The following ENOX1 variants were observed in gnomAD, a reference collection of about 807,000 sequenced individuals.
ENOX1 encodes ecto-NOX disulfide-thiol exchanger 1, also known as candidate growth-related and time keeping constitutive hydroquinone (NADH) oxidase.
ENOX1 carries 42 observed loss-of-function variants against 82.5 expected under a neutral mutation model. The observed-to-expected ratio is 0.51, with a 90% confidence interval of 0.40 to 0.66. The LOEUF is 0.66. ENOX1 is among the 30% of genes least tolerant of loss of function. The probability of loss-of-function intolerance (pLI) is 0.00; values close to 1 mark genes in which losing one functional copy is unlikely to be tolerated. For synonymous variants in ENOX1, 271 were observed against 282.2 expected (o/e 0.96, Z 0.40); for missense variants, 608 against 811.6 (o/e 0.75, Z 3.05).
chr13:43,361,504 T>A (rs2050504387), intron 5 of ENOX1, 52 bp from the exon 6 acceptor site: 2 of 1,541,530 alleles, frequency 1.3e-6, no homozygotes, highest in East Asian at 2.3e-5. Context: ...CCATTTTTGT[T>A]GTTGTTTTTG....
chr13:43,621,524 T>G (rs1188861684), intron 2 of ENOX1, among the ~76,000 whole-genome samples: 1 of 152,216 alleles, frequency 6.6e-6, no homozygotes, highest in Non-Finnish European at 1.5e-5. Flanking sequence ...TTAGTTTCAC[T>G]GGATATAAAA....
chr13:43,423,286 TA>T (rs1021594609), intron 3 of ENOX1, among the ~76,000 whole-genome samples: 17 of 146,068 alleles, frequency 1.2e-4, no homozygotes, highest in South Asian at 4.3e-4. Flanking sequence ...ACACAGACCA[TA>T]AAAAAAAAAG....
intron 1 of ENOX1, among the ~76,000 whole-genome samples, chr13:43,745,167 A>T (rs965612116): frequency 2.0e-5 from 3 of 152,178 alleles, no homozygotes; most frequent in Non-Finnish European, 4.4e-5. Flanking sequence ...AGGAAAAGTA[A>T]CTGCAATAGA....
chr13:43,321,399 G>A lies in ENOX1; in HGVS notation c.1261+985C>T, dbSNP rs189929791. 8.5e-5 allele frequency among the ~76,000 whole-genome samples: 13 copies of A among 152,306 alleles called. No homozygotes were observed. The East Asian group carries it at 1.2e-3, about 14-fold the overall frequency. ...CCCTTTCTCTATATGCCTGTAGGCA[G>A]GAGCTTTTTCTTATGACCATCACTC... On this transcript the variant is annotated intron_variant, in intron 11 of 16. Transcript: ENST00000690772.
intron 5 of ENOX1, among the ~76,000 whole-genome samples, chr13:43,362,628 G>A (rs958511466): frequency 4.0e-5 from 6 of 151,664 alleles, no homozygotes; most frequent in Non-Finnish European, 5.9e-5. Flanking sequence ...CTCACTCTTC[G>A]CTTACCTGTG....
At chr13:43,722,014 A>T (rs962023145) in intron 1 of ENOX1, among the ~76,000 whole-genome samples, 4 of 152,164 alleles carry the variant, frequency 2.6e-5, no homozygotes, top group Admixed American at 2.6e-4. Context: ...TCTCAGGGCC[A>T]CCTTTGAACA....
At chr13:43,344,016 T>C (rs1050033140) in intron 9 of ENOX1, among the ~76,000 whole-genome samples, 2 of 152,124 alleles carry the variant, frequency 1.3e-5, no homozygotes, top group Non-Finnish European at 2.9e-5. Context: ...GCTTTCCAAA[T>C]GAAGAAAGGA....
intron 12 of ENOX1, among the ~76,000 whole-genome samples, chr13:43,297,979 A>C (rs983054826): frequency 6.6e-6 from 1 of 152,262 alleles, no homozygotes; most frequent in African/African-American, 2.4e-5. Context: ...TGCTTTTGTA[A>C]AATCAGTTGT....
rs560419403 is a variant in ENOX1 at position 43,346,546 on chromosome 13, G to A, written c.824-1796C>T. Reference sequence around the variant, plus strand: ...GCACAGAACACACTTACTGAGTATCGTAGCCACTTATACCATTTTGTTAAC... The same window carrying A: ...GCACAGAACACACTTACTGAGTATCATAGCCACTTATACCATTTTGTTAAC... On this transcript the variant is annotated intron_variant, in intron 8 of 16. Coordinates refer to ENST00000690772, the MANE Select transcript of ENOX1 (RefSeq NM_001347969.2). 6.6e-5 allele frequency among the ~76,000 whole-genome samples: 10 copies of A among 152,264 alleles called. 1 individual carries two copies. The highest frequency in any genetic ancestry group is 2.2e-4 in the African/African-American group (9 of 41,534).
chr13:43,464,086 G>A (rs1323478088), intron 3 of ENOX1, among the ~76,000 whole-genome samples: 1 of 152,128 alleles, frequency 6.6e-6, no homozygotes, highest in Non-Finnish European at 1.5e-5. Context: ...CTTTCCCTTA[G>A]AGTCTTTCAA....
At chr13:43,754,684 A>T (rs552943821) in intron 1 of ENOX1, among the ~76,000 whole-genome samples, 1 of 151,990 alleles carries the variant, frequency 6.6e-6, no homozygotes, top group Admixed American at 6.6e-5. Flanking sequence ...TCCTGGGCTC[A>T]ATAGATCTTC....
rs543189037 is a variant in ENOX1, at chr13:43,339,640, C to T, written c.1036+4898G>A. On this transcript the variant is annotated intron_variant, in intron 9 of 16. Transcript: ENST00000690772. ...CTTGGCTGTTTAGTGGACAGGCTAC[C>T]ATGGAATGCCATGAAGGACGGCATT... 5.3e-5 allele frequency among the ~76,000 whole-genome samples: 8 copies of T among 152,280 alleles called. No homozygotes were observed. The South Asian group carries it at 1.5e-3, about 28-fold the overall frequency.
chr13:43,784,260 C>T lies in ENOX1; in HGVS notation c.-285+2392G>A, dbSNP rs1028418868. On this transcript the variant is annotated intron_variant, in intron 1 of 16. Coordinates refer to ENST00000690772, the MANE Select transcript of ENOX1 (RefSeq NM_001347969.2). ...GTGATTATATACATTCTCCTACATA[C>T]AAACCCATCTAAATTTAATAGGCCC... Among the ~76,000 whole-genome samples the T allele has an allele frequency of 2.0e-5, 3 of 152,294 alleles. No homozygotes were observed. The East Asian group carries it at 5.8e-4, about 29-fold the overall frequency.
chr13:43,523,493 A>T (rs1566445959), intron 2 of ENOX1, among the ~76,000 whole-genome samples: 1 of 152,156 alleles, frequency 6.6e-6, no homozygotes, highest in Non-Finnish European at 1.5e-5. Flanking sequence ...TTTATTCTTA[A>T]ATTAGTTTTC....
chr13:43,779,533 G>A (rs1448454533), intron 1 of ENOX1, among the ~76,000 whole-genome samples: 2 of 152,228 alleles, frequency 1.3e-5, no homozygotes, highest in South Asian at 2.1e-4. Flanking sequence ...AGCAGGGAGT[G>A]TCAGGGCATG....
At chr13:43,461,464 T>C (rs2057481624) in intron 3 of ENOX1, among the ~76,000 whole-genome samples, 1 of 152,082 alleles carries the variant, frequency 6.6e-6, no homozygotes, top group Non-Finnish European at 1.5e-5. Flanking sequence ...ATTTTTTTCT[T>C]ACAAGAAACT....
intron 2 of ENOX1, among the ~76,000 whole-genome samples, chr13:43,621,073 TTTTGGTGTCCA>T (rs2082706751): frequency 6.6e-6 from 1 of 152,164 alleles, no homozygotes; most frequent in East Asian, 1.9e-4. Context: ...CCCAGCTCGT[TTTTGGTGTCCA>T]TTTGCATGAA....
intron 1 of ENOX1, among the ~76,000 whole-genome samples, chr13:43,692,040 TA>T (rs1189034882): frequency 6.6e-6 from 1 of 152,158 alleles, no homozygotes; most frequent in Non-Finnish European, 1.5e-5. Flanking sequence ...ACTCTCTACC[TA>T]ACTCTGTGAG....
intron 1 of ENOX1, among the ~76,000 whole-genome samples, chr13:43,706,344 AT>A (rs2087283617): frequency 6.6e-6 from 1 of 151,960 alleles, no homozygotes; most frequent in Non-Finnish European, 1.5e-5. Flanking sequence ...AGCAGGGCCA[AT>A]TTGGGTTCTT....
Sources: allele counts gnomAD v4.1 joint callset (sites outside exome capture counted in the v4.1 genomes callset), GRCh38; gene constraint gnomAD v4.1.1; transcripts MANE v1.5; gene names NCBI Gene and HGNC (gene_info 2026-07-23, HGNC 2026-07-21).